The following MYEF2 variants were observed in gnomAD, a reference collection of about 807,000 sequenced individuals.
The protein encoded by MYEF2 is myelin expression factor 2, also known as myelin gene expression factor 2.
MYEF2 carries 37 observed loss-of-function variants against 75.2 expected under a neutral mutation model. That is an observed-to-expected ratio of 0.49 (90% CI 0.38 to 0.65). MYEF2 has a LOEUF of 0.65. MYEF2 is among the 30% of genes least tolerant of loss of function. The pLI, the probability that MYEF2 is intolerant of heterozygous loss-of-function variation, is 0.00. For synonymous variants in MYEF2, 195 were observed against 241.6 expected (o/e 0.81, Z 1.79); for missense variants, 634 against 771.4 (o/e 0.82, Z 2.11).
chr15:48,159,741 GTCCTCCTGGAAATGA>G lies in MYEF2; in HGVS notation c.574_588del (p.Ser192_Gly196del), dbSNP rs1241041344. 1 of 1,613,602 alleles carries G rather than the reference GTCCTCCTGGAAATGA, an allele frequency of 6.2e-7. No homozygotes were observed. The highest frequency in any genetic ancestry group is 8.5e-7 in the Non-Finnish European group (1 of 1,179,766). On this transcript the variant is annotated inframe_deletion, in exon 6 of 17. Transcript: ENST00000324324. ...AACCCTGATCCCATATCAGGGACGT[GTCCTCCTGGAAATGA>G]TCCTCCTGTTCGCTGCAATGCCCTA... is the stretch of plus-strand genomic sequence containing the variant.
At chr15:48,168,330 AG>A (rs1412450904) in intron 2 of MYEF2, among the ~76,000 whole-genome samples, 1 of 152,144 alleles carries the variant, frequency 6.6e-6, no homozygotes, top group African/African-American at 2.4e-5. Flanking sequence ...CTAATGCAAT[AG>A]CCCTTTTAAA....
intron 1 of MYEF2, among the ~76,000 whole-genome samples, chr15:48,172,408 A>C (rs1026197203): frequency 1.1e-4 from 17 of 151,952 alleles, no homozygotes; most frequent in South Asian, 6.2e-4. Context: ...ATCAAAAAAA[A>C]AAAAAAGAAT....
chr15:48,164,942 T>C (rs34195264), intron 5 of MYEF2, among the ~76,000 whole-genome samples: 9 of 152,206 alleles, frequency 5.9e-5, no homozygotes, highest in Admixed American at 3.9e-4. Flanking sequence ...CAGTTTATTG[T>C]TATATTTGCT....
At chr15:48,171,678 T>G (rs944418854) in intron 1 of MYEF2, among the ~76,000 whole-genome samples, 6 of 152,098 alleles carry the variant, frequency 3.9e-5, no homozygotes, top group Admixed American at 1.3e-4. Flanking sequence ...ATTAAGAAAC[T>G]GAGCCATAAT....
At chr15:48,151,767 G>A (rs1026330675) in intron 12 of MYEF2, 107 bp downstream of exon 12, 18 of 1,329,958 alleles carry the variant, frequency 1.4e-5, no homozygotes, top group Admixed American at 1.7e-5. Context: ...GTGCCTATAT[G>A]CCTTCTGAAG....
At chr15:48,154,949 A>G (rs1333283847) in intron 9 of MYEF2, among the ~76,000 whole-genome samples, 1 of 152,112 alleles carries the variant, frequency 6.6e-6, no homozygotes, top group Non-Finnish European at 1.5e-5. Context: ...CTATTACATA[A>G]AAGAATAATT....
In MYEF2 at chr15:48,137,824, T is replaced by C. The variant is rs1185787061; in HGVS notation, c.*5084A>G. The C allele has an allele frequency of 6.6e-6, 1 of 152,140 alleles. No homozygotes were observed. The highest frequency in any genetic ancestry group is 2.4e-5 in the African/African-American group (1 of 41,438). The allele number at this position is 152,140 out of a possible 1,614,324, so 9.4% of individuals were successfully genotyped here. A position where few individuals can be genotyped will look rare whatever the true frequency, so the allele number is the denominator to read the frequency against. ...AAGAAAAACAGCTGAGGTTTACCAT[T>C]GTTTAAAGCAATAGCAAAACTTTTA... On this transcript the variant is annotated 3_prime_UTR_variant, in exon 17 of 17. Transcript: ENST00000324324.
chr15:48,144,039 C>T (rs2039184657), intron 16 of MYEF2, among the ~76,000 whole-genome samples: 1 of 151,976 alleles, frequency 6.6e-6, no homozygotes, highest in African/African-American at 2.4e-5. Context: ...ATATTTCCCT[C>T]CCCACTAGAT....
At chr15:48,166,665 G>T (rs1425200294) in intron 3 of MYEF2, among the ~76,000 whole-genome samples, 1 of 151,852 alleles carries the variant, frequency 6.6e-6, no homozygotes. Flanking sequence ...AATTAATTTG[G>T]AGAGTTATTT....
intron 5 of MYEF2, chr15:48,162,864 C>T (rs2039996760): frequency 6.6e-6 from 1 of 152,178 alleles, no homozygotes; most frequent in African/African-American, 2.4e-5. Flanking sequence ...ACCAGCCGCT[C>T]CCCATCTCTC....
At chr15:48,158,619 G>C (rs1018148487) in intron 7 of MYEF2, 150 bp downstream of exon 7, 11 of 875,342 alleles carry the variant, frequency 1.3e-5, no homozygotes, top group Non-Finnish European at 1.8e-5. Context: ...TTAATACTTG[G>C]ACCTACTAAG....
Position 48,139,237 on chromosome 15 carries a change from G to A in MYEF2, c.*3671C>T. 10 of 1,412,482 alleles carry A rather than the reference G, an allele frequency of 7.1e-6. No individual in the cohort carries two copies. In the South Asian group the frequency reaches 9.6e-5, roughly 14 times the overall value. 87.5% of individuals were successfully genotyped at this position (1,412,482 alleles called of 1,614,324 possible). A position where few individuals can be genotyped will look rare whatever the true frequency, so the allele number is the denominator to read the frequency against. ...ATTCATATAAGAACAAATTGCATAT[G>A]TTCACTCAAAGTAGTCTAGCTACAC... On this transcript the variant is annotated 3_prime_UTR_variant, in exon 17 of 17. Transcript: ENST00000324324.
At chr15:48,150,982 T>C (rs2039469998) in intron 14 of MYEF2, 118 bp downstream of exon 14, 1 of 559,840 alleles carries the variant, frequency 1.8e-6, no homozygotes, top group Non-Finnish European at 3.1e-6. Flanking sequence ...TCTCAAATTA[T>C]AGCAAGACAC....
At chr15:48,160,695 G>A (rs2039908136) in intron 5 of MYEF2, among the ~76,000 whole-genome samples, 1 of 145,194 alleles carries the variant, frequency 6.9e-6, no homozygotes, top group African/African-American at 2.5e-5. Flanking sequence ...AAGTGTAAAG[G>A]TAACCATCAA....
Position 48,139,074 on chromosome 15 carries a change from G to GA in MYEF2, c.*3833dup. On this transcript the variant is annotated 3_prime_UTR_variant, in exon 17 of 17. Transcript: ENST00000324324. Reference sequence around the variant, plus strand: ...CTTTTTCTAACCACACCAGATTGTAGAAAAAAGTTTTGGAAAAACTACTTT... The same window carrying GA: ...CTTTTTCTAACCACACCAGATTGTAGAAAAAAAGTTTTGGAAAAACTACTTT... 2.5e-6 allele frequency: 4 copies of GA among 1,612,962 alleles called. No individual in the cohort carries two copies. Among genetic ancestry groups the GA allele is most frequent in the Non-Finnish European group, 3.4e-6 (4 of 1,179,240 alleles).
intron 14 of MYEF2, 112 bp downstream of exon 14, chr15:48,150,988 G>C (rs1304062873): frequency 1.7e-6 from 1 of 578,494 alleles, no homozygotes; most frequent in Admixed American, 3.1e-5. Flanking sequence ...ATTATAGCAA[G>C]ACACATTAAC....
Position 48,151,177 on chromosome 15 carries a change from C to T in MYEF2, c.1307-6G>A, listed in dbSNP as rs746634630. On this transcript the variant is annotated splice_region_variant and splice_polypyrimidine_tract_variant and intron_variant, in intron 13 of 16. Coordinates refer to ENST00000324324, the MANE Select transcript of MYEF2 (RefSeq NM_016132.5). Reference sequence around the variant, plus strand: ...CCCTCCAATCATTGCACTGCCTAAACAAGGATGGAAAGATAATATACTAAT... The same window carrying T: ...CCCTCCAATCATTGCACTGCCTAAATAAGGATGGAAAGATAATATACTAAT... 2.5e-6 allele frequency: 4 copies of T among 1,605,264 alleles called. No homozygotes were observed. The highest frequency in any genetic ancestry group is 3.4e-6 in the Non-Finnish European group (4 of 1,174,370).
chr15:48,165,888 G>T, intron 5 of MYEF2, 45 bp downstream of exon 5: 1 of 1,335,992 alleles, frequency 7.5e-7, no homozygotes, highest in Non-Finnish European at 1.0e-6. Flanking sequence ...AGGAAAACAT[G>T]TCTTTATAGT....
intron 1 of MYEF2, among the ~76,000 whole-genome samples, chr15:48,176,004 C>T (rs1342530058): frequency 6.6e-6 from 1 of 152,020 alleles, no homozygotes; most frequent in Non-Finnish European, 1.5e-5. Flanking sequence ...ATAGTGGTCT[C>T]CCACCCTCAA....
Sources: gnomAD v4.1 joint callset for allele counts (sites outside exome capture counted in the v4.1 genomes callset) on GRCh38, gnomAD v4.1.1 for gene constraint, MANE v1.5 for transcripts, NCBI Gene and HGNC (gene_info 2026-07-23, HGNC 2026-07-21) for gene names.